PSPC1: variants seen among roughly 807,000 people sequenced by gnomAD.
PSPC1 encodes paraspeckle component 1.
Under a neutral mutation model 51.6 loss-of-function variants are expected in PSPC1, and 14 were observed. The ratio of observed to expected loss-of-function variants is 0.27; its 90% CI spans 0.18 to 0.42. The LOEUF is 0.42. PSPC1 is among the 10% of genes least tolerant of loss of function. The pLI is 1.00. For missense variants in PSPC1, 406 were observed against 701.1 expected (o/e 0.58, Z 4.75); for synonymous variants, 193 against 231.9 (o/e 0.83, Z 1.53).
At chr13:19,694,472 C>G (rs1290087402) in intron 6 of PSPC1, among the ~76,000 whole-genome samples, 1 of 152,144 alleles carries the variant, frequency 6.6e-6, no homozygotes, top group Non-Finnish European at 1.5e-5. Flanking sequence ...AATATTATCA[C>G]TTCGGCATAT....
chr13:19,754,918 A>G (rs923426717), intron 3 of PSPC1, among the ~76,000 whole-genome samples: 4 of 152,134 alleles, frequency 2.6e-5, no homozygotes, highest in African/African-American at 9.7e-5. Context: ...TGAAGAGGAA[A>G]TCACAGGAAC....
intron 6 of PSPC1, among the ~76,000 whole-genome samples, chr13:19,686,969 G>A (rs1262342167): frequency 6.6e-6 from 1 of 152,088 alleles, no homozygotes; most frequent in African/African-American, 2.4e-5. Flanking sequence ...GGCCAAGGTG[G>A]GCGGATCATC....
rs151116825 is a variant in PSPC1 at position 19,696,600 on chromosome 13, A to G, written c.1159-18777T>C. Among the ~76,000 whole-genome samples, 721 of 152,220 alleles carry G rather than the reference A, an allele frequency of 4.7e-3. 8 individuals carry two copies. The highest frequency in any genetic ancestry group is 0.017 in the African/African-American group (701 of 41,534). On this transcript the variant is annotated intron_variant and NMD_transcript_variant, in intron 6 of 7. Transcript: ENST00000471658. The stretch of plus-strand genomic sequence containing the variant: ...TGGTCTTGGGAAATACACTTATCAA[A>G]TCTTTTATCTTCAAGCTAGAAAAGC...
At chr13:19,698,093 C>G (rs1447354549), downstream of PSPC1, among the ~76,000 whole-genome samples, 1 of 151,922 alleles carries the variant, frequency 6.6e-6, no homozygotes, top group Admixed American at 6.6e-5. Context: ...TGCATAAAAG[C>G]AGCTAGAACA....
chr13:19,679,298 G>A (rs1270240095), intron 6 of PSPC1, among the ~76,000 whole-genome samples: 3 of 152,060 alleles, frequency 2.0e-5, no homozygotes, highest in Admixed American at 1.3e-4. Context: ...AGTTTGAGAA[G>A]AGCCTAGACA....
At chr13:19,739,683 C>G (rs1444626865) in intron 5 of PSPC1, among the ~76,000 whole-genome samples, 1 of 151,926 alleles carries the variant, frequency 6.6e-6, no homozygotes, top group South Asian at 2.1e-4. Flanking sequence ...GCAGAGGTTA[C>G]AGTGAGCCAA....
chr13:19,775,367 C>CAA (rs35702131), intron 1 of PSPC1, among the ~76,000 whole-genome samples: 41 of 138,274 alleles, frequency 3.0e-4, no homozygotes, highest in Non-Finnish European at 3.6e-4. Flanking sequence ...AATAAATAGA[C>CAA]AAAAAAAAAA....
chr13:19,754,905 A>G (rs976664987), intron 3 of PSPC1, among the ~76,000 whole-genome samples: 1 of 152,170 alleles, frequency 6.6e-6, no homozygotes, highest in Non-Finnish European at 1.5e-5. Context: ...GGAAAAAGTT[A>G]AGTGAAGAGG....
At position 19,782,810 on chromosome 13, in the gene PSPC1, T is replaced by C. The variant is rs1483518343; in HGVS notation, c.-53A>G. 6.8e-7 allele frequency: 1 copy of C among 1,480,790 alleles called. No individual in the cohort carries two copies. The highest frequency in any genetic ancestry group is 1.5e-5 in the African/African-American group (1 of 67,684). 91.7% of individuals were successfully genotyped at this position (1,480,790 alleles called of 1,614,324 possible). On this transcript the variant is annotated 5_prime_UTR_variant, in exon 1 of 9. Coordinates refer to ENST00000338910, the MANE Select transcript of PSPC1 (RefSeq NM_001354909.2). This position sits in a 1 kb window ranked among gnomAD's most constrained non-coding sequence, Gnocchi z 4.5. ...TACAGGCCTAGATTTATAGACAGTG[T>C]GTCTATATATATGTATACGTCTCTA...
At chr13:19,755,991 C>A (rs1887026531) in intron 3 of PSPC1, among the ~76,000 whole-genome samples, 1 of 152,070 alleles carries the variant, frequency 6.6e-6, no homozygotes, top group Non-Finnish European at 1.5e-5. Flanking sequence ...AATCCCAGCA[C>A]CTTGGGAGGC....
At position 19,772,112 on chromosome 13, in the gene PSPC1, A is replaced by G. The variant is rs1888678942; in HGVS notation, c.674+130T>C. ...CAGTACACGAAAATTTCTTATTTAT[A>G]TTCACTGAATATTTACTCAACACCT... On this transcript the variant is annotated intron_variant, in intron 2 of 8. Transcript: ENST00000338910. 1.3e-5 allele frequency: 13 copies of G among 999,102 alleles called. No individual in the cohort carries two copies. The South Asian group carries it at 2.2e-4, about 17-fold the overall frequency. 61.9% of individuals were successfully genotyped at this position (999,102 alleles called of 1,614,324 possible). A position where few individuals can be genotyped will look rare whatever the true frequency, so the allele number is the denominator to read the frequency against.
At chr13:19,684,416 C>T (rs952825556) in intron 6 of PSPC1, among the ~76,000 whole-genome samples, 18 of 152,120 alleles carry the variant, frequency 1.2e-4, no homozygotes, top group Admixed American at 1.0e-3. Context: ...AAATTACTGC[C>T]ACAGCCAAGA....
intron 7 of PSPC1, among the ~76,000 whole-genome samples, chr13:19,676,592 G>A (rs1243650326): frequency 6.6e-6 from 1 of 152,230 alleles, no homozygotes; most frequent in Non-Finnish European, 1.5e-5. Flanking sequence ...AATCTTCACA[G>A]TTAAAACGGA....
At chr13:19,696,526 C>G (rs1046434868) in intron 6 of PSPC1, among the ~76,000 whole-genome samples, 2 of 151,732 alleles carry the variant, frequency 1.3e-5, no homozygotes, top group Non-Finnish European at 2.9e-5. Flanking sequence ...TACGCACACA[C>G]ACACACATAT....
At chr13:19,776,448 C>CT (rs1264449998) in intron 1 of PSPC1, among the ~76,000 whole-genome samples, 1 of 152,018 alleles carries the variant, frequency 6.6e-6, no homozygotes, top group East Asian at 1.9e-4. Flanking sequence ...TCTGGGCACT[C>CT]TGTCTCAAGA....
intron 4 of PSPC1, among the ~76,000 whole-genome samples, chr13:19,744,660 G>GT (rs1885775199): frequency 6.6e-6 from 1 of 152,068 alleles, no homozygotes; most frequent in Non-Finnish European, 1.5e-5. Context: ...TGCCTACCAG[G>GT]TTCAAGCAAT....
chr13:19,699,019 C>T (rs751236921), downstream of PSPC1, among the ~76,000 whole-genome samples: 1 of 151,652 alleles, frequency 6.6e-6, no homozygotes, highest in East Asian at 1.9e-4. Flanking sequence ...ATATTCTAAA[C>T]GGTTTTACAG....
intron 6 of PSPC1, among the ~76,000 whole-genome samples, chr13:19,714,359 A>T (rs950386045): frequency 3.9e-5 from 6 of 152,198 alleles, no homozygotes; most frequent in African/African-American, 1.2e-4. Flanking sequence ...TTAATTTTGT[A>T]AAATAAATAC....
chr13:19,678,961 C>T (rs1389316520), intron 6 of PSPC1: 1 of 152,208 alleles, frequency 6.6e-6, no homozygotes, highest in Non-Finnish European at 1.5e-5. Context: ...GCCATGTTGT[C>T]CAAGCTCGTA....
Sources: gnomAD v4.1 joint callset for allele counts (sites outside exome capture counted in the v4.1 genomes callset) on GRCh38, gnomAD v4.1.1 for gene constraint, Gnocchi (gnomAD v3.1) non-coding constraint, MANE v1.5 for transcripts, NCBI Gene and HGNC (gene_info 2026-07-23, HGNC 2026-07-21) for gene names.